The following EPYC variants were observed in gnomAD, a reference collection of about 807,000 sequenced individuals.
The protein encoded by EPYC is epiphycan.
A neutral mutation model predicts 30.1 loss-of-function variants in EPYC; 28 were observed. That is an observed-to-expected ratio of 0.93 (90% CI 0.69 to 1.28). The LOEUF is 1.28. Among genes scored for constraint, EPYC ranks in the 50% most tolerant of loss-of-function variants. The probability of loss-of-function intolerance (pLI) is 0.00; values close to 1 mark genes in which losing one functional copy is unlikely to be tolerated. For missense variants in EPYC, 382 were observed against 383.5 expected (o/e 1.00, Z 0.03); for synonymous variants, 144 against 141.4 (o/e 1.02, Z -0.13).
intron 2 of EPYC, among the ~76,000 whole-genome samples, chr12:91,000,487 G>C (rs1462779725): frequency 6.6e-6 from 1 of 152,036 alleles, no homozygotes; most frequent in Admixed American, 6.6e-5. Context: ...AGCTTTATGG[G>C]CAGTGAAAAT....
chr12:90,969,325 C>T (rs1227444535), intron 6 of EPYC, among the ~76,000 whole-genome samples: 1 of 151,730 alleles, frequency 6.6e-6, no homozygotes, highest in Non-Finnish European at 1.5e-5. Context: ...ATTATAGCTA[C>T]AAACTAAAAT....
At position 90,994,489 on chromosome 12, in the gene EPYC, A is replaced by G. The variant is rs78816615; in HGVS notation, c.165+7912T>C. ...TGTGACAGACCTGGCACTTACATCT[A>G]GAAGTCTGACTTTAGGCCCTGGGTT... On this transcript the variant is annotated intron_variant, in intron 2 of 6. Coordinates refer to ENST00000261172, the MANE Select transcript of EPYC (RefSeq NM_004950.5). 1.0e-3 allele frequency among the ~76,000 whole-genome samples: 152 copies of G among 152,294 alleles called. 2 individuals are homozygous for G. The highest frequency in any genetic ancestry group is 3.5e-3 in the African/African-American group (146 of 41,580).
chr12:90,984,266 T>C (rs934365800), intron 2 of EPYC, among the ~76,000 whole-genome samples: 1 of 152,152 alleles, frequency 6.6e-6, no homozygotes, highest in Non-Finnish European at 1.5e-5. Flanking sequence ...TGCTGCTGCA[T>C]TGGTGAGTGC....
chr12:90,970,716 G>C (rs959708660), intron 5 of EPYC, among the ~76,000 whole-genome samples: 1 of 152,178 alleles, frequency 6.6e-6, no homozygotes, highest in African/African-American at 2.4e-5. Flanking sequence ...CCCTTGCCTG[G>C]CTATAGTGAG....
intron 5 of EPYC, among the ~76,000 whole-genome samples, chr12:90,971,267 T>C (rs1315323893): frequency 2.0e-5 from 3 of 152,130 alleles, no homozygotes; most frequent in African/African-American, 7.2e-5. Context: ...GCTTTCTGTT[T>C]TTGGTACTTG....
At position 90,978,280 on chromosome 12, in the gene EPYC, AAG is replaced by A. The variant is rs749351021; in HGVS notation, c.166-20_166-19del. 9.0e-6 allele frequency: 14 copies of A among 1,552,872 alleles called. No homozygotes were observed. The African/African-American group carries it at 1.7e-4, about 19-fold the overall frequency. ...ATTTCAATCTGAAAAAAAAAAAAAA[AAG>A]AGAATTTCTTCAGGCCAACTTCTCA... On this transcript the variant is annotated intron_variant, in intron 2 of 6. Transcript: ENST00000261172.
intron 3 of EPYC, among the ~76,000 whole-genome samples, chr12:90,974,066 A>ACACACACACACACACC: frequency 6.6e-6 from 1 of 150,702 alleles, no homozygotes; most frequent in East Asian, 2.0e-4. Flanking sequence ...ACACACACAC[A>ACACACACACACACACC]CACACACCCC....
In EPYC at chr12:90,979,790, A is replaced by T. The variant is rs79269150; in HGVS notation, c.166-1528T>A. 7.0e-3 allele frequency among the ~76,000 whole-genome samples: 1,071 copies of T among 152,284 alleles called. 9 individuals are homozygous for T. Among genetic ancestry groups the T allele is most frequent in the African/African-American group, 0.025 (1,031 of 41,572 alleles). ...CTGTAAGCATAATAGGCAATCAGCA[A>T]GTACTTATTGAAGTATAATTTTTTC... On this transcript the variant is annotated intron_variant, in intron 2 of 6. Coordinates refer to ENST00000261172, the MANE Select transcript of EPYC (RefSeq NM_004950.5).
intron 2 of EPYC, among the ~76,000 whole-genome samples, chr12:90,979,383 C>G (rs1223549165): frequency 6.6e-6 from 1 of 152,058 alleles, no homozygotes; most frequent in Non-Finnish European, 1.5e-5. Flanking sequence ...AGTAAAGAAA[C>G]ACATAAATTA....
At chr12:90,983,312 C>T (rs576584350) in intron 2 of EPYC, among the ~76,000 whole-genome samples, 16 of 152,254 alleles carry the variant, frequency 1.1e-4, no homozygotes, top group East Asian at 3.9e-4. Context: ...TATCACCAAG[C>T]GGTGAGTACC....
intron 2 of EPYC, among the ~76,000 whole-genome samples, chr12:90,997,206 T>C (rs1316948708): frequency 6.6e-6 from 1 of 152,044 alleles, no homozygotes; most frequent in African/African-American, 2.4e-5. Flanking sequence ...AACAGCTCTA[T>C]AGCACTTTGT....
intron 2 of EPYC, among the ~76,000 whole-genome samples, chr12:90,983,486 C>G (rs542195793): frequency 6.6e-6 from 1 of 152,102 alleles, no homozygotes; most frequent in Non-Finnish European, 1.5e-5. Context: ...CCTGACTCTT[C>G]GGAGTTGAGA....
At chr12:90,970,619 G>C (rs1213977454) in intron 5 of EPYC, among the ~76,000 whole-genome samples, 1 of 152,216 alleles carries the variant, frequency 6.6e-6, no homozygotes, top group Non-Finnish European at 1.5e-5. Context: ...GACAATAGCT[G>C]TTCTACTCTA....
intron 3 of EPYC, among the ~76,000 whole-genome samples, chr12:90,973,781 C>T (rs1592623884): frequency 6.6e-6 from 1 of 152,208 alleles, no homozygotes; most frequent in African/African-American, 2.4e-5. Flanking sequence ...ATGCAGGGGC[C>T]TTGTAGGCTG....
chr12:91,002,877 T>A (rs917439540), intron 1 of EPYC, among the ~76,000 whole-genome samples: 1 of 151,992 alleles, frequency 6.6e-6, no homozygotes, highest in Non-Finnish European at 1.5e-5. Context: ...CTTTTCATCA[T>A]CTAATAATTT....
chr12:90,994,355 G>C (rs1877652527), intron 2 of EPYC, among the ~76,000 whole-genome samples: 1 of 152,152 alleles, frequency 6.6e-6, no homozygotes, highest in Admixed American at 6.6e-5. Flanking sequence ...ACCAGGTTCT[G>C]TATTAAACAG....
chr12:90,971,012 A>C (rs1877030185), intron 5 of EPYC, among the ~76,000 whole-genome samples: 2 of 152,222 alleles, frequency 1.3e-5, no homozygotes, highest in Admixed American at 6.5e-5. Context: ...TGCTTGCTTC[A>C]CATAGAAAAC....
intron 6 of EPYC, among the ~76,000 whole-genome samples, chr12:90,968,283 A>G (rs1160513624): frequency 6.6e-6 from 1 of 152,230 alleles, no homozygotes; most frequent in Non-Finnish European, 1.5e-5. Flanking sequence ...ATCAGTAGCT[A>G]TATTAAATGC....
intron 2 of EPYC, among the ~76,000 whole-genome samples, chr12:91,000,746 A>G (rs190561723): frequency 6.6e-6 from 1 of 152,124 alleles, no homozygotes; most frequent in Admixed American, 6.6e-5. Context: ...AATAAGTTTG[A>G]ACTAAAATGT....
Sources: allele counts gnomAD v4.1 joint callset (sites outside exome capture counted in the v4.1 genomes callset), GRCh38; gene constraint gnomAD v4.1.1; transcripts MANE v1.5; gene names NCBI Gene and HGNC (gene_info 2026-07-23, HGNC 2026-07-21).